EPHB2: variants seen among roughly 807,000 people sequenced by gnomAD.
The protein encoded by EPHB2 is EPH receptor B2, also known as ephrin type-B receptor 2.
A neutral mutation model predicts 96.4 loss-of-function variants in EPHB2; 18 were observed. That is an observed-to-expected ratio of 0.19 (90% CI 0.13 to 0.28). EPHB2 has a LOEUF of 0.28. Ranked by LOEUF, EPHB2 falls within the 10% of genes least tolerant of loss-of-function variation. The probability of loss-of-function intolerance (pLI) is 1.00; values close to 1 mark genes in which losing one functional copy is unlikely to be tolerated. For missense variants in EPHB2, 989 were observed against 1,355.4 expected (o/e 0.73, Z 4.25); for synonymous variants, 506 against 534.1 (o/e 0.95, Z 0.72).
At chr1:22,849,233 C>T (rs1216161400) in intron 3 of EPHB2, among the ~76,000 whole-genome samples, 1 of 152,164 alleles carries the variant, frequency 6.6e-6, no homozygotes, top group African/African-American at 2.4e-5. Context: ...TCAGGTGTTG[C>T]CTCTTCAAGG....
At position 22,907,986 on chromosome 1, in the gene EPHB2, G is replaced by T. The variant is rs1018379423; in HGVS notation, c.2170G>T (p.Val724Leu). The T allele has an allele frequency of 2.8e-5, 45 of 1,614,136 alleles. No homozygotes were observed. Among genetic ancestry groups the T allele is most frequent in the Non-Finnish European group, 3.6e-5 (43 of 1,180,058 alleles). ...NDGQFTVIQL[V>L]GMLRGIAAGM... ...TGGGCAGTTCACAGTCATCCAGCTG[G>T]TGGGCATGCTTCGGGGCATCGCAGC... Residue 724 changes from valine (V) to leucine (L), a missense_variant, in exon 12 of 16, where the codon GTG becomes TTG. Physicochemically the swap from Val to Leu is conservative, Grantham distance 32 (BLOSUM62 1). Coordinates refer to ENST00000374630, the MANE Select transcript of EPHB2 (RefSeq NM_017449.5).
intron 8 of EPHB2, among the ~76,000 whole-genome samples, 174 bp downstream of exon 8, chr1:22,895,754 A>C (rs1194766574): frequency 2.6e-5 from 4 of 152,256 alleles, no homozygotes; most frequent in South Asian, 2.1e-4. Context: ...CTAAGCGGCC[A>C]CCATGTGCAA....
At chr1:22,773,060 T>C (rs1275526071) in intron 1 of EPHB2, among the ~76,000 whole-genome samples, 1 of 152,214 alleles carries the variant, frequency 6.6e-6, no homozygotes, top group Non-Finnish European at 1.5e-5. Context: ...CTAGGTGGCC[T>C]CCACCACCTT....
At position 22,752,979 on chromosome 1, in the gene EPHB2, C is replaced by T. The variant is rs536255870; in HGVS notation, c.62-28442C>T. Among the ~76,000 whole-genome samples, 56 of 151,858 alleles carry T rather than the reference C, an allele frequency of 3.7e-4. No homozygotes were observed. In the East Asian group the frequency reaches 6.4e-3, roughly 17 times the overall value. On this transcript the variant is annotated intron_variant, in intron 1 of 15. Coordinates refer to ENST00000374630, the MANE Select transcript of EPHB2 (RefSeq NM_017449.5). ...TTTTTTTTTTGGAGACAGGATCTCA[C>T]TATGTTGCCCAGGCTGCTCTTGAAC...
rs1011596657 is a variant in EPHB2, at chr1:22,858,907, G to A, written c.812-4130G>A. On this transcript the variant is annotated intron_variant, in intron 3 of 15. Transcript: ENST00000374630. The surrounding 1 kb of genome is among the most constrained non-coding windows in gnomAD (Gnocchi z 7.7). ...CCACCCATCACCCACTAGAAACCCA[G>A]CATTATACTGGGAGTTTACAGTCCA... Among the ~76,000 whole-genome samples, 5 of 152,174 alleles carry A rather than the reference G, an allele frequency of 3.3e-5. No individual in the cohort carries two copies. The highest frequency in any genetic ancestry group is 9.7e-5 in the African/African-American group (4 of 41,436).
At chr1:22,878,417 G>A (rs916970498) in intron 5 of EPHB2, among the ~76,000 whole-genome samples, 1 of 152,240 alleles carries the variant, frequency 6.6e-6, no homozygotes, top group Admixed American at 6.5e-5. Context: ...TTGAAAAACA[G>A]TATGCTTCCT....
intron 3 of EPHB2, among the ~76,000 whole-genome samples, chr1:22,826,394 A>G (rs1645224436): frequency 6.6e-6 from 1 of 152,184 alleles, no homozygotes; most frequent in Non-Finnish European, 1.5e-5. Context: ...GGTCCCAAAT[A>G]TATTCTCAGG....
At chr1:22,877,197 G>T (rs1194511270) in intron 5 of EPHB2, among the ~76,000 whole-genome samples, 1 of 152,232 alleles carries the variant, frequency 6.6e-6, no homozygotes, top group African/African-American at 2.4e-5. Context: ...ACCTGGGTGA[G>T]CCTGGTTTGA....
At chr1:22,774,072 T>TA (rs1356623147) in intron 1 of EPHB2, among the ~76,000 whole-genome samples, 2 of 152,194 alleles carry the variant, frequency 1.3e-5, no homozygotes, top group East Asian at 3.9e-4. Context: ...CCCGATGTCT[T>TA]ACACTTCTGT....
chr1:22,814,816 C>T (rs1169464560), intron 3 of EPHB2, among the ~76,000 whole-genome samples: 1 of 152,202 alleles, frequency 6.6e-6, no homozygotes, highest in Admixed American at 6.5e-5. Flanking sequence ...CACTGGCAGC[C>T]GTGGTTTACA....
In EPHB2 at chr1:22,751,290, T is replaced by C. The variant is rs573776955; in HGVS notation, c.62-30131T>C. ...CGCTCACCTGCCACCCACGCCCATC[T>C]GCTTCCTGCACGCAGGACTGATGGG... On this transcript the variant is annotated intron_variant, in intron 1 of 15. Coordinates refer to ENST00000374630, the MANE Select transcript of EPHB2 (RefSeq NM_017449.5). Among the ~76,000 whole-genome samples, 31 of 152,274 alleles carry C rather than the reference T, an allele frequency of 2.0e-4. 1 individual carries two copies. Among genetic ancestry groups the C allele is most frequent in the African/African-American group, 7.5e-4 (31 of 41,568 alleles).
intron 3 of EPHB2, among the ~76,000 whole-genome samples, chr1:22,822,369 A>G (rs1440313429): frequency 6.6e-6 from 1 of 152,190 alleles, no homozygotes; most frequent in Non-Finnish European, 1.5e-5. Context: ...CTACCAAACA[A>G]TGCTAAAAAT....
intron 3 of EPHB2, among the ~76,000 whole-genome samples, chr1:22,789,804 T>C (rs1644665434): frequency 1.3e-5 from 2 of 152,070 alleles, no homozygotes; most frequent in Non-Finnish European, 2.9e-5. Context: ...TGTGCAACAA[T>C]AGAGATCAAA....
intron 3 of EPHB2, among the ~76,000 whole-genome samples, chr1:22,826,400 T>C (rs1457329020): frequency 6.6e-6 from 1 of 152,190 alleles, no homozygotes; most frequent in African/African-American, 2.4e-5. Flanking sequence ...AAATATATTC[T>C]CAGGGGCCCA....
intron 3 of EPHB2, chr1:22,836,943 T>C (rs943548013): frequency 2.6e-5 from 4 of 152,202 alleles, no homozygotes; most frequent in Non-Finnish European, 4.4e-5. Context: ...ACTTTTTGTT[T>C]CCTCAAAGAT....
chr1:22,878,840 T>C (rs1240059808), intron 5 of EPHB2, among the ~76,000 whole-genome samples: 1 of 152,216 alleles, frequency 6.6e-6, no homozygotes, highest in African/African-American at 2.4e-5. Context: ...GGTCTAGGCA[T>C]GAAGCAGTAG....
rs144238498 is a variant in EPHB2 at position 22,784,748 on chromosome 1, C to A, written c.483C>A (p.Thr161=). 5 of 1,612,192 alleles carry A rather than the reference C, an allele frequency of 3.1e-6. No homozygotes were observed. In the African/African-American group the frequency reaches 5.3e-5, roughly 17 times the overall value. The change falls in exon 3 of 16, where the codon ACC becomes ACA. Residue 161 remains threonine (T), a synonymous_variant. Transcript: ENST00000374630. This position sits in a 1 kb window ranked among gnomAD's most constrained non-coding sequence, Gnocchi z 5.1. ...DLGGRVMKIN[T]EVRSFGPVSR... is the part of the protein sequence containing the mutation. ...GTGGCCGCGTCATGAAAATCAACACCGAGGTGCGGAGCTTCGGACCTGTGT... is the reference window on the plus strand; with the variant it reads ...GTGGCCGCGTCATGAAAATCAACACAGAGGTGCGGAGCTTCGGACCTGTGT...
In EPHB2 at chr1:22,858,817, G is replaced by C. The variant is rs940273534; in HGVS notation, c.812-4220G>C. Among the ~76,000 whole-genome samples, 4 of 152,206 alleles carry C rather than the reference G, an allele frequency of 2.6e-5. No homozygotes were observed. The highest frequency in any genetic ancestry group is 1.3e-4 in the Admixed American group (2 of 15,284). ...GCTATGTCTGTCTGTTCCTCTCTGG[G>C]CCTCAGTTTCCTCAAATGTCAACTA... is the stretch of plus-strand genomic sequence containing the variant. On this transcript the variant is annotated intron_variant, in intron 3 of 15. Transcript: ENST00000374630. This position sits in a 1 kb window ranked among gnomAD's most constrained non-coding sequence, Gnocchi z 7.7.
At chr1:22,753,192 A>G (rs539352078) in intron 1 of EPHB2, among the ~76,000 whole-genome samples, 3 of 151,602 alleles carry the variant, frequency 2.0e-5, no homozygotes, top group Non-Finnish European at 4.4e-5. Flanking sequence ...GAGTTGGGCA[A>G]CCCTGGATTT....
Sources: allele counts gnomAD v4.1 joint callset (sites outside exome capture counted in the v4.1 genomes callset), GRCh38; gene constraint gnomAD v4.1.1; non-coding constraint Gnocchi (gnomAD v3.1); transcripts MANE v1.5; gene names NCBI Gene and HGNC (gene_info 2026-07-23, HGNC 2026-07-21).